Variants in EIF5B observed in about 807,000 individuals in gnomAD.
EIF5B encodes the protein eIF-5B.
A neutral mutation model predicts 147.5 loss-of-function variants in EIF5B; 47 were observed. The ratio of observed to expected loss-of-function variants is 0.32; its 90% confidence interval spans 0.25 to 0.41. The LOEUF is 0.41. Among genes scored for constraint, EIF5B ranks in the 10% least tolerant of loss-of-function variants. The pLI is 1.00. For missense variants in EIF5B, 1,064 were observed against 1,413.2 expected, an observed-to-expected ratio of 0.75 and a Z score of 3.96; for synonymous variants, 455 against 456.2, an observed-to-expected ratio of 1.00 and a Z score of 0.03.
At chr2:99,392,882 TATC>T in intron 17 of EIF5B, 82 bp from the exon 18 acceptor site, 1 of 1,223,964 alleles carries the variant, frequency 8.2e-7, no homozygotes, top group Admixed American at 3.1e-5. Flanking sequence ...CTCTCTCTAA[TATC>T]ATGATGAGAT....
intron 8 of EIF5B, among the ~76,000 whole-genome samples, chr2:99,371,304 C>T (rs1189396223): frequency 5.9e-5 from 9 of 151,978 alleles, no homozygotes; most frequent in South Asian, 2.1e-4. Context: ...CTGGCTAACA[C>T]GGTGAAACCC....
chr2:99,392,264 G>T (rs1352470446), intron 17 of EIF5B, among the ~76,000 whole-genome samples: 1 of 151,982 alleles, frequency 6.6e-6, no homozygotes, highest in Non-Finnish European at 1.5e-5. Flanking sequence ...TAGTAGAGGT[G>T]GGGTTTTGCC....
chr2:99,338,949 T>C (rs1574914155), intron 1 of EIF5B, among the ~76,000 whole-genome samples: 2 of 140,672 alleles, frequency 1.4e-5, no homozygotes, highest in African/African-American at 2.5e-5. Context: ...CAAATATATA[T>C]ACACACATAT....
chr2:99,401,247 A>C lies in EIF5B; in HGVS notation c.*1833A>C. The C allele has an allele frequency of 1.9e-6, 3 of 1,599,268 alleles. No individual in the cohort carries two copies. The highest frequency in any genetic ancestry group is 2.6e-6 in the Non-Finnish European group (3 of 1,166,618). On this transcript the variant is annotated 3_prime_UTR_variant, in exon 24 of 24. Transcript: ENST00000289371. ...TCAGGCTCTCTGGTAATATTTATGT[A>C]ACTTTTAATGTGCTTCCATAAGTTT...
intron 1 of EIF5B, among the ~76,000 whole-genome samples, chr2:99,357,116 C>A (rs1241128578): frequency 1.3e-5 from 2 of 152,184 alleles, no homozygotes; most frequent in Non-Finnish European, 2.9e-5. Context: ...TGTGTCTCTT[C>A]TTTCACCAGT....
intron 9 of EIF5B, among the ~76,000 whole-genome samples, chr2:99,374,983 C>CG (rs1674532732): frequency 1.3e-5 from 2 of 151,958 alleles, no homozygotes; most frequent in East Asian, 3.9e-4. Flanking sequence ...TTGGCTCTTT[C>CG]TATTCTGAGG....
intron 14 of EIF5B, among the ~76,000 whole-genome samples, chr2:99,384,273 A>G (rs940294008): frequency 3.3e-5 from 5 of 152,046 alleles, no homozygotes; most frequent in African/African-American, 9.7e-5. Context: ...TAGCACGTCT[A>G]TTCATAGCAT....
chr2:99,381,840 T>C (rs1184529282), intron 12 of EIF5B, among the ~76,000 whole-genome samples: 2 of 152,148 alleles, frequency 1.3e-5, no homozygotes, highest in African/African-American at 2.4e-5. Context: ...CAGATTTCTA[T>C]AGAATATTTC....
intron 9 of EIF5B, among the ~76,000 whole-genome samples, chr2:99,373,129 G>A (rs1574931773): frequency 6.6e-6 from 1 of 152,230 alleles, no homozygotes; most frequent in South Asian, 2.1e-4. Context: ...TGATATAAAA[G>A]TCTACCTAAA....
rs1675164678 is a variant in EIF5B, at chr2:99,399,792, T to G, written c.*378T>G. 1 of 158,038 alleles carries G rather than the reference T, an allele frequency of 6.3e-6. No homozygotes were observed. The highest frequency in any genetic ancestry group is 1.4e-5 in the Non-Finnish European group (1 of 71,422). The allele number at this position is 158,038 out of a possible 1,614,324, so 9.8% of individuals were successfully genotyped here. A position where few individuals can be genotyped will look rare whatever the true frequency, so the allele number is the denominator to read the frequency against. On this transcript the variant is annotated 3_prime_UTR_variant, in exon 24 of 24. Transcript: ENST00000289371. ...ATTTGATTAACCAAGCTTCTGCAGA[T>G]TTTGTGATTCTTGGGACTTTTTTGA... is the stretch of plus-strand genomic sequence containing the variant.
At chr2:99,378,956 A>C in intron 10 of EIF5B, 63 bp from the exon 11 acceptor site, 1 of 1,304,480 alleles carries the variant, frequency 7.7e-7, no homozygotes, top group Non-Finnish European at 1.0e-6. Context: ...AAAACAGAAA[A>C]TAAGGATAGT....
chr2:99,363,449 G>C (rs1048053504), intron 4 of EIF5B, among the ~76,000 whole-genome samples, 196 bp from the exon 5 acceptor site: 4 of 152,156 alleles, frequency 2.6e-5, no homozygotes, highest in Admixed American at 6.5e-5. Flanking sequence ...GACTTCTCAG[G>C]AGGCCATCTG....
In EIF5B at chr2:99,379,404, T is replaced by C. The variant is rs1674643140; in HGVS notation, c.2037T>C (p.Asn679=). 6.2e-7 allele frequency: 1 copy of C among 1,612,760 alleles called. No homozygotes were observed. Among genetic ancestry groups the C allele is most frequent in the Non-Finnish European group, 8.5e-7 (1 of 1,179,318 alleles). The change falls in exon 12 of 24, where the codon AAT becomes AAC. Residue 679 remains asparagine, a synonymous_variant. Transcript: ENST00000289371. ...GATNVPLEAI[N]EQTKMIKNFD... ...CCAATGTTCCTCTTGAAGCTATTAA[T>C]GAACAGACTAAGATGATTAAAAATG...
intron 1 of EIF5B, among the ~76,000 whole-genome samples, chr2:99,356,226 C>T (rs1474599616): frequency 6.6e-6 from 1 of 152,082 alleles, no homozygotes; most frequent in African/African-American, 2.4e-5. Context: ...TCACTGATGT[C>T]GATGTTGATC....
intron 6 of EIF5B, among the ~76,000 whole-genome samples, chr2:99,365,675 C>T (rs1464058688): frequency 1.3e-5 from 2 of 151,596 alleles, no homozygotes; most frequent in Non-Finnish European, 2.9e-5. Flanking sequence ...GAATGGTGGA[C>T]TTTTAGCATC....
intron 1 of EIF5B, among the ~76,000 whole-genome samples, chr2:99,350,465 A>G (rs1019106264): frequency 6.6e-6 from 1 of 151,938 alleles, no homozygotes; most frequent in African/African-American, 2.4e-5. Context: ...CTTTTTGTAA[A>G]AGCTAGTCTA....
At chr2:99,354,986 T>G (rs942867122) in intron 1 of EIF5B, among the ~76,000 whole-genome samples, 1 of 152,146 alleles carries the variant, frequency 6.6e-6, no homozygotes, top group Middle Eastern at 3.4e-3. Context: ...TATTTTTTAG[T>G]AGAGACGGAG....
At position 99,393,191 on chromosome 2, in the gene EIF5B, CTT is replaced by C. The variant is rs1285932257; in HGVS notation, c.2880+95_2880+96del. The C allele has an allele frequency of 1.9e-5, 23 of 1,195,322 alleles. No homozygotes were observed. In the African/African-American group the frequency reaches 3.3e-4, roughly 17 times the overall value. 74.0% of individuals were successfully genotyped at this position (1,195,322 alleles called of 1,614,324 possible). On this transcript the variant is annotated intron_variant, in intron 18 of 23. Coordinates refer to ENST00000289371, the MANE Select transcript of EIF5B (RefSeq NM_015904.4). ...TGCTAGGGATGGTGACCAAAACTGG[CTT>C]TGTCTTTGTGAAGCCTGCCATTTCT...
chr2:99,394,175 G>C, intron 18 of EIF5B, 92 bp from the exon 19 acceptor site: 1 of 1,483,188 alleles, frequency 6.7e-7, no homozygotes, highest in South Asian at 1.4e-5. Context: ...TTGCAGATGA[G>C]TACTTAACCA....
Sources: gnomAD v4.1 joint callset for allele counts (sites outside exome capture counted in the v4.1 genomes callset) on GRCh38, gnomAD v4.1.1 for gene constraint, MANE v1.5 for transcripts, NCBI Gene and HGNC (gene_info 2026-07-23, HGNC 2026-07-21) for gene names.